ABLIM1: variants seen among roughly 807,000 people sequenced by gnomAD.
ABLIM1 encodes actin binding LIM protein 1, also known as actin-binding LIM protein 1.
ABLIM1 carries 40 observed loss-of-function variants against 107.0 expected under a neutral mutation model. That is an observed-to-expected ratio of 0.37 (90% CI 0.29 to 0.49). The LOEUF is 0.49. ABLIM1 is among the 20% of genes least tolerant of loss of function. The pLI is 0.97. For missense variants in ABLIM1, 857 were observed against 1,008.5 expected, an observed-to-expected ratio of 0.85 and a Z score of 2.04; for synonymous variants, 357 against 357.3, an observed-to-expected ratio of 1.00 and a Z score of 0.01.
intron 6 of ABLIM1, among the ~76,000 whole-genome samples, chr10:114,540,013 G>T (rs775115776): frequency 6.6e-6 from 1 of 152,164 alleles, no homozygotes; most frequent in Non-Finnish European, 1.5e-5. Flanking sequence ...AATATCTTCA[G>T]AACTCTCCTA....
chr10:114,490,859 G>C (rs1242102172), intron 7 of ABLIM1, among the ~76,000 whole-genome samples: 1 of 149,334 alleles, frequency 6.7e-6, no homozygotes, highest in East Asian at 2.0e-4. Flanking sequence ...GTGGAGAACG[G>C]GGTCTCGCTA....
chr10:114,474,085 G>A, intron 8 of ABLIM1, 129 bp from the exon 9 acceptor site: 3 of 646,720 alleles, frequency 4.6e-6, no homozygotes, highest in Non-Finnish European at 7.9e-6. Context: ...TTTTGAATAA[G>A]GTAAAATACA....
chr10:114,695,778 G>T (rs1011440796), intron 1 of ABLIM1, among the ~76,000 whole-genome samples: 1 of 152,184 alleles, frequency 6.6e-6, no homozygotes, highest in Non-Finnish European at 1.5e-5. Context: ...ACATCCAACA[G>T]AAAGAAGGAT....
intron 1 of ABLIM1, among the ~76,000 whole-genome samples, chr10:114,698,226 C>T (rs986078313): frequency 2.0e-5 from 3 of 151,740 alleles, no homozygotes; most frequent in Non-Finnish European, 4.4e-5. Context: ...CATTTGAGAA[C>T]AAACTGTATC....
At chr10:114,642,235 G>C (rs12772864) in intron 1 of ABLIM1, among the ~76,000 whole-genome samples, 3 of 152,034 alleles carry the variant, frequency 2.0e-5, no homozygotes, top group Non-Finnish European at 2.9e-5. Flanking sequence ...TGATCTGATC[G>C]TCAGCTCCAT....
chr10:114,658,320 A>C, upstream of ABLIM1: 1 of 1,495,650 alleles, frequency 6.7e-7, no homozygotes, highest in Non-Finnish European at 8.9e-7. Context: ...TGCCCAGCAA[A>C]GAAGATTAAG....
intron 1 of ABLIM1, chr10:114,613,590 T>G (rs990080603): frequency 8.0e-6 from 8 of 1,003,114 alleles, no homozygotes; most frequent in Non-Finnish European, 1.1e-5. Flanking sequence ...GAAACAAGAA[T>G]GTGAACCCTT....
At chr10:114,578,119 AT>A (rs1384323683) in intron 2 of ABLIM1, among the ~76,000 whole-genome samples, 1 of 152,028 alleles carries the variant, frequency 6.6e-6, no homozygotes, top group Non-Finnish European at 1.5e-5. Flanking sequence ...AACAGATCTC[AT>A]TCACTCTCAC....
At chr10:114,669,996 T>C (rs986303253) in intron 1 of ABLIM1, among the ~76,000 whole-genome samples, 7 of 152,146 alleles carry the variant, frequency 4.6e-5, no homozygotes, top group Non-Finnish European at 1.0e-4. Context: ...GAAAAGAGCT[T>C]GTTAAGGATA....
chr10:114,504,473 T>C (rs1313179765), intron 6 of ABLIM1, among the ~76,000 whole-genome samples: 1 of 152,200 alleles, frequency 6.6e-6, no homozygotes, highest in African/African-American at 2.4e-5. Context: ...TTTTTTTCCT[T>C]CCATAAATTA....
chr10:114,553,061 A>C (rs1402478746), intron 4 of ABLIM1, among the ~76,000 whole-genome samples: 1 of 151,606 alleles, frequency 6.6e-6, no homozygotes, highest in Non-Finnish European at 1.5e-5. Flanking sequence ...CAGCCTGGGC[A>C]CCTATGTTCT....
intron 6 of ABLIM1, among the ~76,000 whole-genome samples, chr10:114,541,554 C>T (rs187236539): frequency 2.0e-5 from 3 of 152,226 alleles, no homozygotes; most frequent in South Asian, 2.1e-4. Context: ...AGCTGTCACA[C>T]GTCAGTGTGA....
chr10:114,801,145 G>A, the ABLIM1 span, among the ~76,000 whole-genome samples: 2 of 152,118 alleles, frequency 1.3e-5, no homozygotes, highest in Non-Finnish European at 1.5e-5. Flanking sequence ...CAGGGGTAGT[G>A]GTTCATGTTT....
chr10:114,759,339 T>C (rs1030525258), intron 1 of ABLIM1, among the ~76,000 whole-genome samples: 2 of 152,100 alleles, frequency 1.3e-5, no homozygotes, highest in African/African-American at 4.8e-5. Flanking sequence ...TAAACCAAAC[T>C]ATACATTTTA....
At chr10:114,758,519 T>G (rs1468377787) in intron 1 of ABLIM1, among the ~76,000 whole-genome samples, 1 of 152,098 alleles carries the variant, frequency 6.6e-6, no homozygotes, top group Admixed American at 6.5e-5. Flanking sequence ...ACCCCAAACC[T>G]CTTTTCTACA....
intron 17 of ABLIM1, among the ~76,000 whole-genome samples, chr10:114,443,426 C>A (rs2060495832): frequency 1.3e-5 from 2 of 151,578 alleles, no homozygotes; most frequent in African/African-American, 2.4e-5. Context: ...GATTCTCCTG[C>A]CTCAGCCTCC....
chr10:114,679,085 A>C (rs2080621753), intron 1 of ABLIM1, among the ~76,000 whole-genome samples: 1 of 152,196 alleles, frequency 6.6e-6, no homozygotes, highest in Admixed American at 6.5e-5. Context: ...CCAGTTATGA[A>C]CTTAGCCGTC....
chr10:114,683,165 C>T (rs1405889991), intron 1 of ABLIM1, among the ~76,000 whole-genome samples: 1 of 152,126 alleles, frequency 6.6e-6, no homozygotes, highest in African/African-American at 2.4e-5. Flanking sequence ...TTGTGTAAAC[C>T]TGAGGTGACG....
At chr10:114,710,527 G>A (rs192297606) in intron 1 of ABLIM1, among the ~76,000 whole-genome samples, 1 of 152,254 alleles carries the variant, frequency 6.6e-6, no homozygotes, top group Non-Finnish European at 1.5e-5. Context: ...TCTCCCACCA[G>A]GTTCCTCCCA....
Sources: allele counts gnomAD v4.1 joint callset (sites outside exome capture counted in the v4.1 genomes callset), GRCh38; gene constraint gnomAD v4.1.1; transcripts MANE v1.5; gene names NCBI Gene and HGNC (gene_info 2026-07-23, HGNC 2026-07-21).